Variants in ADAMTS17 observed in about 807,000 individuals in gnomAD.
ADAMTS17 encodes A disintegrin and metalloproteinase with thrombospondin motifs 17.
In ADAMTS17, 113 loss-of-function variants were observed where a neutral mutation model predicts 141.5. That is an observed-to-expected ratio of 0.80 (90% confidence interval 0.69 to 0.93). The LOEUF is 0.93. ADAMTS17 is among the 40% of genes least tolerant of loss of function. The probability of loss-of-function intolerance (pLI) is 0.00; values close to 1 mark genes in which losing one functional copy is unlikely to be tolerated. For missense variants in ADAMTS17, 1,659 were observed against 1,517.9 expected (o/e 1.09, Z -1.54); for synonymous variants, 768 against 630.6 (o/e 1.22, Z -3.27).
At chr15:100,276,016 A>T (rs1341921367) in intron 4 of ADAMTS17, among the ~76,000 whole-genome samples, 1 of 36,340 alleles carries the variant, frequency 2.8e-5, no homozygotes, top group African/African-American at 1.3e-4. Context: ...GGTGGGAGGG[A>T]GTAGGTGCCT....
intron 7 of ADAMTS17, among the ~76,000 whole-genome samples, chr15:100,228,942 T>A (rs2042393039): frequency 6.6e-6 from 1 of 152,218 alleles, no homozygotes; most frequent in South Asian, 2.1e-4. Flanking sequence ...CTGTGACAGT[T>A]GCAGAAGAGA....
rs150734102 is a variant in ADAMTS17, at chr15:99,982,191, A to G, written c.2950-5969T>C. 6.6e-5 allele frequency among the ~76,000 whole-genome samples: 10 copies of G among 152,316 alleles called. No homozygotes were observed. The East Asian group carries it at 1.2e-3, about 18-fold the overall frequency. On this transcript the variant is annotated intron_variant, in intron 20 of 21. Coordinates refer to ENST00000268070, the MANE Select transcript of ADAMTS17 (RefSeq NM_139057.4). ...GTGGAGCTCCACAAATCCTGCTGTT[A>G]TTATTCTCAACAGTGAATGCACGGC...
At chr15:100,235,464 C>T (rs1167891682) in intron 7 of ADAMTS17, among the ~76,000 whole-genome samples, 1 of 152,146 alleles carries the variant, frequency 6.6e-6, no homozygotes, top group African/African-American at 2.4e-5. Flanking sequence ...GCCCTCCTGT[C>T]TCAGGTGCTG....
chr15:100,110,688 G>C (rs2036719888), intron 13 of ADAMTS17, among the ~76,000 whole-genome samples: 1 of 152,144 alleles, frequency 6.6e-6, no homozygotes, highest in Admixed American at 6.5e-5. Context: ...CCATCTATGT[G>C]GTTACTTTGC....
At chr15:100,202,020 T>A (rs2041352987) in intron 7 of ADAMTS17, among the ~76,000 whole-genome samples, 1 of 152,058 alleles carries the variant, frequency 6.6e-6, no homozygotes, top group South Asian at 2.1e-4. Flanking sequence ...TTAGAAACAA[T>A]CAGATCTGCA....
At chr15:100,077,789 A>C (rs2034480011) in intron 15 of ADAMTS17, among the ~76,000 whole-genome samples, 1 of 152,178 alleles carries the variant, frequency 6.6e-6, no homozygotes, top group Admixed American at 6.5e-5. Context: ...AAAGAAATAT[A>C]AAGCATACAG....
At chr15:100,222,452 G>A (rs1274001384) in intron 7 of ADAMTS17, among the ~76,000 whole-genome samples, 4 of 152,204 alleles carry the variant, frequency 2.6e-5, no homozygotes, top group African/African-American at 7.2e-5. Flanking sequence ...GGGCAGCCCT[G>A]CCTGGAATGA....
At chr15:100,002,549 T>G (rs1766593611) in intron 18 of ADAMTS17, among the ~76,000 whole-genome samples, 1 of 152,000 alleles carries the variant, frequency 6.6e-6, no homozygotes, top group African/African-American at 2.4e-5. Flanking sequence ...CCCTGATGTC[T>G]CTACATCCGC....
intron 7 of ADAMTS17, among the ~76,000 whole-genome samples, chr15:100,214,500 TG>T (rs200159867): frequency 1.4e-5 from 2 of 146,464 alleles, no homozygotes; most frequent in Non-Finnish European, 3.1e-5. Flanking sequence ...GTGGTAATTA[TG>T]TTTTTTTAAT....
At chr15:100,190,524 T>C (rs2040877401) in intron 8 of ADAMTS17, among the ~76,000 whole-genome samples, 2 of 152,210 alleles carry the variant, frequency 1.3e-5, no homozygotes, top group South Asian at 4.1e-4. Context: ...AGGTTGGGCC[T>C]GTCCACTACA....
intron 7 of ADAMTS17, among the ~76,000 whole-genome samples, chr15:100,249,050 C>T (rs1490620923): frequency 2.6e-5 from 4 of 152,180 alleles, no homozygotes; most frequent in African/African-American, 7.2e-5. Context: ...CCGCCCACCT[C>T]GGCCTCCCAA....
intron 4 of ADAMTS17, among the ~76,000 whole-genome samples, chr15:100,263,366 C>CAAAAAAAAAAA (rs1567451662): frequency 1.3e-5 from 2 of 152,190 alleles, no homozygotes; most frequent in Non-Finnish European, 2.9e-5. Context: ...CCTGTCCAGC[C>CAAAAAAAAAAA]AAAAGGTCCA....
At chr15:100,146,750 G>T (rs559325685) in intron 10 of ADAMTS17, among the ~76,000 whole-genome samples, 1 of 152,400 alleles carries the variant, frequency 6.6e-6, no homozygotes, top group African/African-American at 2.4e-5. Flanking sequence ...ACATCCCTGG[G>T]AAAGAGAATA....
chr15:100,263,965 G>C lies in ADAMTS17; in HGVS notation c.790-1530C>G, dbSNP rs149693069. On this transcript the variant is annotated intron_variant, in intron 4 of 21. Transcript: ENST00000268070. Reference sequence around the variant, plus strand: ...TGCACCCAGCCCACAAGCGCTAGAAGCCAGGCACGCAGTGTTTGAGCATCT... The same window carrying C: ...TGCACCCAGCCCACAAGCGCTAGAACCCAGGCACGCAGTGTTTGAGCATCT... 3.9e-3 allele frequency among the ~76,000 whole-genome samples: 587 copies of C among 152,328 alleles called. 3 individuals carry two copies. The highest frequency in any genetic ancestry group is 0.014 in the African/African-American group (566 of 41,584).
chr15:100,184,668 C>G (rs1441340221), intron 8 of ADAMTS17, among the ~76,000 whole-genome samples: 3 of 152,102 alleles, frequency 2.0e-5, no homozygotes, highest in Non-Finnish European at 4.4e-5. Flanking sequence ...TAGGTTGTCT[C>G]TCCTCTGTGC....
At chr15:100,200,648 G>T (rs1021104747) in intron 7 of ADAMTS17, among the ~76,000 whole-genome samples, 2 of 152,204 alleles carry the variant, frequency 1.3e-5, no homozygotes, top group African/African-American at 4.8e-5. Flanking sequence ...TGCTCCCCTG[G>T]CTGTGCAGTC....
intron 8 of ADAMTS17, among the ~76,000 whole-genome samples, chr15:100,197,140 A>G (rs115173095): frequency 0.02 from 2,999 of 152,316 alleles, 105 homozygotes; most frequent in African/African-American, 0.067. Context: ...ACAGGTCATC[A>G]GGGAGAAAAT....
chr15:100,296,810 A>C lies in ADAMTS17; in HGVS notation c.617-15409T>G, dbSNP rs377189443. On this transcript the variant is annotated intron_variant, in intron 3 of 21. Transcript: ENST00000268070. The stretch of plus-strand genomic sequence containing the variant: ...CCTATCCATGGTTACAGCCATGTAG[A>C]TACCAAGCAGGGCACCTCTGCCTAT... Among the ~76,000 whole-genome samples the C allele has an allele frequency of 2.6e-5, 4 of 152,344 alleles. No individual in the cohort carries two copies. In the East Asian group the frequency reaches 5.8e-4, roughly 22 times the overall value.
intron 15 of ADAMTS17, among the ~76,000 whole-genome samples, chr15:100,079,801 G>C (rs2034615052): frequency 6.6e-6 from 1 of 152,058 alleles, no homozygotes; most frequent in African/African-American, 2.4e-5. Flanking sequence ...CCACCATCAT[G>C]GTATTCCACA....
Sources: allele counts gnomAD v4.1 joint callset (sites outside exome capture counted in the v4.1 genomes callset), GRCh38; gene constraint gnomAD v4.1.1; transcripts MANE v1.5; gene names NCBI Gene and HGNC (gene_info 2026-07-23, HGNC 2026-07-21).